SLC38A6: variants seen among roughly 807,000 people sequenced by gnomAD.
SLC38A6 encodes N system amino acid transporter NAT-1.
In SLC38A6, 73 loss-of-function variants were observed where a neutral mutation model predicts 65.0. The observed-to-expected ratio is 1.12, with a 90% confidence interval of 0.93 to 1.37. The LOEUF (loss-of-function observed/expected upper bound fraction) is 1.37, where lower values mean the gene tolerates loss of function less well. Ranked by LOEUF, SLC38A6 falls within the 40% of genes most tolerant of loss-of-function variation. The pLI is 0.00. For synonymous variants in SLC38A6, 183 were observed against 178.8 expected (o/e 1.02, Z -0.19); for missense variants, 561 against 531.1 (o/e 1.06, Z -0.55).
intron 8 of SLC38A6, among the ~76,000 whole-genome samples, chr14:61,041,312 A>G (rs1320155490): frequency 6.6e-6 from 1 of 152,170 alleles, no homozygotes; most frequent in Non-Finnish European, 1.5e-5. Flanking sequence ...CCATACCACC[A>G]TACAGGCTTG....
At chr14:61,005,158 AT>A (rs1453948626) in intron 3 of SLC38A6, among the ~76,000 whole-genome samples, 1 of 152,220 alleles carries the variant, frequency 6.6e-6, no homozygotes, top group Non-Finnish European at 1.5e-5. Flanking sequence ...AAAACAATAA[AT>A]TAGGTATTGA....
At chr14:60,982,723 T>C in intron 2 of SLC38A6, 85 bp downstream of exon 2, 1 of 1,391,250 alleles carries the variant, frequency 7.2e-7, no homozygotes, top group Non-Finnish European at 9.7e-7. Context: ...CAGAAGCTGC[T>C]ATTATACAAT....
chr14:61,028,284 G>A (rs1275591530), intron 5 of SLC38A6, among the ~76,000 whole-genome samples: 2 of 152,142 alleles, frequency 1.3e-5, no homozygotes, highest in Non-Finnish European at 2.9e-5. Flanking sequence ...ATTAATCCAA[G>A]CAAGAAAGAA....
In SLC38A6 at chr14:61,015,970, C is replaced by T. The variant is rs764056881; in HGVS notation, c.363+14C>T. 1.3e-6 allele frequency: 2 copies of T among 1,599,498 alleles called. No homozygotes were observed. Among genetic ancestry groups the T allele is most frequent in the Non-Finnish European group, 1.7e-6 (2 of 1,174,540 alleles). The stretch of plus-strand genomic sequence containing the variant: ...TTACCTGGAAAGGTAATTTTTTTTC[C>T]TCCTCATTGTGTCCAAAACCCAAAG... On this transcript the variant is annotated intron_variant, in intron 4 of 15. Transcript: ENST00000267488.
intron 15 of SLC38A6, among the ~76,000 whole-genome samples, chr14:61,063,239 G>A (rs1441764631): frequency 6.6e-6 from 1 of 152,044 alleles, no homozygotes; most frequent in Non-Finnish European, 1.5e-5. Flanking sequence ...GTAGAATTTA[G>A]AGGGATTTTG....
At chr14:61,061,235 C>A (rs2042829731) in intron 15 of SLC38A6, among the ~76,000 whole-genome samples, 1 of 152,156 alleles carries the variant, frequency 6.6e-6, no homozygotes, top group Admixed American at 6.5e-5. Context: ...TGTGATGAAT[C>A]ACATTTATTG....
chr14:60,984,846 CTT>C (rs1279627216), intron 3 of SLC38A6, 43 bp downstream of exon 3: 1 of 1,557,762 alleles, frequency 6.4e-7, no homozygotes, highest in South Asian at 1.1e-5. Context: ...AAAGGAGTCT[CTT>C]GAGTTTGTAT....
At chr14:61,007,332 A>ATAAAG (rs1391813316) in intron 3 of SLC38A6, among the ~76,000 whole-genome samples, 3 of 151,776 alleles carry the variant, frequency 2.0e-5, no homozygotes, top group African/African-American at 4.8e-5. Context: ...ATAAAATAAA[A>ATAAAG]TAAAATAAAA....
chr14:61,050,454 T>G (rs2042441279), intron 12 of SLC38A6, 58 bp from the exon 13 acceptor site: 4 of 1,202,236 alleles, frequency 3.3e-6, no homozygotes, highest in Non-Finnish European at 4.4e-6. Context: ...GGAAAACAAT[T>G]TTGTTACTAT....
chr14:61,030,263 CTGTGTGTGTGTGTGTG>C (rs3080609), intron 5 of SLC38A6, among the ~76,000 whole-genome samples, 166 bp from the exon 6 acceptor site: 2 of 148,728 alleles, frequency 1.3e-5, no homozygotes, highest in South Asian at 4.3e-4. Context: ...AGTTACTTTT[CTGTGTGTGTGTGTGTG>C]TGTGTGTGTG....
chr14:61,023,781 A>G (rs2040470789), intron 5 of SLC38A6, among the ~76,000 whole-genome samples: 1 of 152,082 alleles, frequency 6.6e-6, no homozygotes, highest in Non-Finnish European at 1.5e-5. Context: ...TTTAAAAGCA[A>G]AATGACCATG....
chr14:61,071,695 A>AG (rs2043233717), intron 15 of SLC38A6, among the ~76,000 whole-genome samples: 1 of 151,662 alleles, frequency 6.6e-6, no homozygotes, highest in African/African-American at 2.4e-5. Flanking sequence ...AAAAAAAAAA[A>AG]GGAAAAAAGA....
intron 3 of SLC38A6, among the ~76,000 whole-genome samples, chr14:61,014,030 G>C (rs1040779269): frequency 3.9e-5 from 6 of 152,020 alleles, no homozygotes; most frequent in African/African-American, 1.5e-4. Context: ...CCAATCAGAC[G>C]TAGATTTGGT....
intron 3 of SLC38A6, among the ~76,000 whole-genome samples, chr14:61,007,132 A>G (rs1403766843): frequency 1.3e-5 from 2 of 152,140 alleles, no homozygotes; most frequent in Non-Finnish European, 2.9e-5. Context: ...ATGAGAACAC[A>G]TGGACGCAGG....
At chr14:60,982,451 C>G in intron 1 of SLC38A6, 57 bp from the exon 2 acceptor site, 2 of 1,574,292 alleles carry the variant, frequency 1.3e-6, no homozygotes, top group East Asian at 2.2e-5. Context: ...AATTTCTTTA[C>G]GAAATTTTAA....
rs1430613797 is a variant in SLC38A6 at position 61,014,549 on chromosome 14, C to T, written c.311-1355C>T. Reference sequence around the variant, plus strand: ...TTTGGTCTTTGATGATGGTGACGTACAGGTGGGGTTTTGGTGTGGATGTCC... The same window carrying T: ...TTTGGTCTTTGATGATGGTGACGTATAGGTGGGGTTTTGGTGTGGATGTCC... On this transcript the variant is annotated intron_variant, in intron 3 of 15. Transcript: ENST00000267488. 2.0e-5 allele frequency among the ~76,000 whole-genome samples: 3 copies of T among 152,120 alleles called. No homozygotes were observed. The East Asian group carries it at 5.8e-4, about 29-fold the overall frequency.
intron 15 of SLC38A6, among the ~76,000 whole-genome samples, chr14:61,067,970 C>T (rs1254629076): frequency 1.3e-5 from 2 of 152,218 alleles, no homozygotes; most frequent in East Asian, 3.9e-4. Flanking sequence ...CCCTGCAGCC[C>T]ACCGCTATCA....
intron 5 of SLC38A6, among the ~76,000 whole-genome samples, chr14:61,025,577 T>G (rs1321422415): frequency 4.6e-5 from 7 of 152,304 alleles, no homozygotes; most frequent in African/African-American, 1.7e-4. Flanking sequence ...GTAGTGTATC[T>G]TTTTTAAGGT....
intron 12 of SLC38A6, among the ~76,000 whole-genome samples, chr14:61,050,242 GA>G (rs1199761112): frequency 2.6e-5 from 4 of 152,076 alleles, no homozygotes; most frequent in African/African-American, 9.7e-5. Context: ...TTAGATTATG[GA>G]AAAGTTCCAA....
Sources: gnomAD v4.1 joint callset for allele counts (sites outside exome capture counted in the v4.1 genomes callset) on GRCh38, gnomAD v4.1.1 for gene constraint, MANE v1.5 for transcripts, NCBI Gene and HGNC (gene_info 2026-07-23, HGNC 2026-07-21) for gene names.